The following STK3 variants were observed in gnomAD, a reference collection of about 807,000 sequenced individuals.
STK3 encodes the protein serine/threonine kinase 3.
In STK3, 41 loss-of-function variants were observed where a neutral mutation model predicts 58.0. That is an observed-to-expected ratio of 0.71 (90% CI 0.55 to 0.92). The LOEUF is 0.92. STK3 is among the 40% of genes least tolerant of loss of function. The probability of loss-of-function intolerance (pLI) is 0.00; values close to 1 mark genes in which losing one functional copy is unlikely to be tolerated. For missense variants in STK3, 479 were observed against 602.7 expected (o/e 0.79, Z 2.15); for synonymous variants, 170 against 191.0 (o/e 0.89, Z 0.91).
chr8:98,547,985 T>A lies in STK3; in HGVS notation c.1125A>T (p.Glu375Asp), dbSNP rs759645713. 6.3e-7 allele frequency: 1 copy of A among 1,590,118 alleles called. No individual in the cohort carries two copies. Among genetic ancestry groups the A allele is most frequent in the Non-Finnish European group, 8.5e-7 (1 of 1,171,412 alleles). Residue 375 changes from glutamate (E) to aspartate (D), a missense_variant, in exon 9 of 11, where the codon GAA becomes GAT. Glu to Asp is a conservative substitution (Grantham distance 45). Coordinates refer to ENST00000419617, the MANE Select transcript of STK3 (RefSeq NM_006281.4). ...GCCACATACTTTTCATAGTTCCATC[T>A]TCTTCTTCCTCATCCTCACTGTTTA... ...MVINSEDEEE[E>D]DGTMKRNATS...
chr8:98,906,989 T>TAAAAAAAAAAAAAAACAAAAAAAAAA (rs1838930742), intron 1 of STK3, among the ~76,000 whole-genome samples: 1 of 94,784 alleles, frequency 1.1e-5, no homozygotes, highest in African/African-American at 4.2e-5. Context: ...TCTCTACCAA[T>TAAAAAAAAAAAAAAACAAAAAAAAAA]AAAAAAAAAA....
At chr8:98,924,805 C>A (rs893198904) in intron 1 of STK3, among the ~76,000 whole-genome samples, 1 of 152,194 alleles carries the variant, frequency 6.6e-6, no homozygotes, top group African/African-American at 2.4e-5. Context: ...GCAGAAGGTG[C>A]AATGAGAGGC....
At chr8:98,547,335 A>G (rs1448328412) in intron 9 of STK3, among the ~76,000 whole-genome samples, 1 of 152,218 alleles carries the variant, frequency 6.6e-6, no homozygotes, top group African/African-American at 2.4e-5. Flanking sequence ...TTTAAAAAAG[A>G]GAAGTGCTAG....
chr8:98,551,901 TAG>T (rs1811201598), intron 8 of STK3, among the ~76,000 whole-genome samples: 2 of 152,080 alleles, frequency 1.3e-5, no homozygotes, highest in Admixed American at 1.3e-4. Flanking sequence ...CCTTTACAGT[TAG>T]AGAGAAACTA....
At chr8:98,670,743 G>A (rs1237775652) in intron 6 of STK3, among the ~76,000 whole-genome samples, 1 of 152,184 alleles carries the variant, frequency 6.6e-6, no homozygotes, top group Non-Finnish European at 1.5e-5. Flanking sequence ...AAAAACCCCA[G>A]ATCCAGCCAC....
intron 3 of STK3, among the ~76,000 whole-genome samples, chr8:98,426,206 G>A (rs1430440234): frequency 6.6e-6 from 1 of 152,110 alleles, no homozygotes; most frequent in Non-Finnish European, 1.5e-5. Context: ...ACAGTCCCAA[G>A]AGTACTACAC....
At chr8:98,789,833 C>T (rs1832693041) in intron 1 of STK3, among the ~76,000 whole-genome samples, 1 of 152,058 alleles carries the variant, frequency 6.6e-6, no homozygotes, top group African/African-American at 2.4e-5. Flanking sequence ...TCAAGACCAG[C>T]CTGCCCAACA....
At chr8:98,923,675 A>T (rs1839658505) in intron 1 of STK3, among the ~76,000 whole-genome samples, 1 of 152,308 alleles carries the variant, frequency 6.6e-6, no homozygotes, top group African/African-American at 2.4e-5. Context: ...TCACTCAACC[A>T]GAGATATAAA....
At chr8:98,756,117 T>G (rs1037944005) in intron 3 of STK3, among the ~76,000 whole-genome samples, 4 of 151,250 alleles carry the variant, frequency 2.6e-5, no homozygotes, top group African/African-American at 9.7e-5. Context: ...CACTCCTGCC[T>G]GGCAGAAGAG....
chr8:98,597,843 T>C (rs1337606122), intron 6 of STK3: 20 of 982,946 alleles, frequency 2.0e-5, no homozygotes, highest in Non-Finnish European at 1.2e-6. Context: ...AAAACACATA[T>C]GAAACGAATA....
chr8:98,509,893 T>G (rs2131399425), intron 10 of STK3, among the ~76,000 whole-genome samples: 1 of 152,160 alleles, frequency 6.6e-6, no homozygotes, highest in South Asian at 2.1e-4. Flanking sequence ...TTATTTAAAG[T>G]ATAATATCTA....
intron 6 of STK3, among the ~76,000 whole-genome samples, chr8:98,690,823 AG>A (rs1335140934): frequency 6.6e-6 from 1 of 152,238 alleles, no homozygotes; most frequent in East Asian, 1.9e-4. Flanking sequence ...TAACCAAAAC[AG>A]CAAGGTACTG....
chr8:98,673,079 A>T (rs1822945879), intron 6 of STK3, among the ~76,000 whole-genome samples: 1 of 152,228 alleles, frequency 6.6e-6, no homozygotes, highest in Admixed American at 6.5e-5. Context: ...TTGGTATTAC[A>T]TATTTTGGTT....
chr8:98,911,934 C>T (rs997188456), intron 1 of STK3, among the ~76,000 whole-genome samples: 23 of 152,110 alleles, frequency 1.5e-4, no homozygotes, highest in African/African-American at 5.6e-4. Flanking sequence ...AGATTACTTC[C>T]AGTCCAAATA....
intron 6 of STK3, among the ~76,000 whole-genome samples, chr8:98,694,700 A>G (rs930090435): frequency 1.3e-5 from 2 of 152,220 alleles, no homozygotes; most frequent in Admixed American, 6.5e-5. Context: ...TTATGGCTGC[A>G]TATCATTCCA....
intron 3 of STK3, among the ~76,000 whole-genome samples, chr8:98,426,836 G>A (rs1272886660): frequency 6.6e-6 from 1 of 152,098 alleles, no homozygotes; most frequent in Non-Finnish European, 1.5e-5. Flanking sequence ...GCCCCGCGCC[G>A]AGCCGGGGGC....
chr8:98,626,521 A>G (rs567885033), intron 6 of STK3, among the ~76,000 whole-genome samples: 1 of 152,220 alleles, frequency 6.6e-6, no homozygotes, highest in Non-Finnish European at 1.5e-5. Context: ...TGTAAAGACT[A>G]AAATATTTAC....
At chr8:98,693,968 A>AT (rs1824626034) in intron 6 of STK3, among the ~76,000 whole-genome samples, 1 of 152,184 alleles carries the variant, frequency 6.6e-6, no homozygotes, top group South Asian at 2.1e-4. Flanking sequence ...ACATAACCAC[A>AT]TTTTTTGTCT....
At chr8:98,872,191 G>A (rs1421568189) in intron 3 of STK3, among the ~76,000 whole-genome samples, 1 of 152,214 alleles carries the variant, frequency 6.6e-6, no homozygotes, top group African/African-American at 2.4e-5. Flanking sequence ...CAGGGGTGAA[G>A]CCAAGTTGAT....
Sources: allele counts gnomAD v4.1 joint callset (sites outside exome capture counted in the v4.1 genomes callset), GRCh38; gene constraint gnomAD v4.1.1; transcripts MANE v1.5; gene names NCBI Gene and HGNC (gene_info 2026-07-23, HGNC 2026-07-21).